BAZ1B: variants seen among roughly 807,000 people sequenced by gnomAD.
BAZ1B encodes the protein tyrosine-protein kinase BAZ1B.
A neutral mutation model predicts 153.8 loss-of-function variants in BAZ1B; 22 were observed. That is an observed-to-expected ratio of 0.14 (90% CI 0.10 to 0.20). BAZ1B has a LOEUF of 0.20. BAZ1B is among the 10% of genes least tolerant of loss of function. The pLI, the probability that BAZ1B is intolerant of heterozygous loss-of-function variation, is 1.00. For synonymous variants in BAZ1B, 676 were observed against 633.4 expected (o/e 1.07, Z -1.01); for missense variants, 1,325 against 1,799.3 (o/e 0.74, Z 4.77).
At chr7:73,453,995 C>T (rs565625945) in intron 13 of BAZ1B, among the ~76,000 whole-genome samples, 1 of 151,984 alleles carries the variant, frequency 6.6e-6, no homozygotes, top group Non-Finnish European at 1.5e-5. Context: ...CATTCATTCA[C>T]AAATAAAATA....
Position 73,469,583 on chromosome 7 carries a change from C to A in BAZ1B, c.2800G>T (p.Asp934Tyr). ...IEKGWVHDSIDYRFNHHCKDH... is the reference protein window; with the variant it reads ...IEKGWVHDSIYYRFNHHCKDH... ...TTGCAGTGATGGTTGAATCGGTAGT[C>A]AATGCTGTCATGTACCCAGCCTTTT... The change falls in exon 9 of 20, where the codon GAC (aspartate) becomes TAC (tyrosine). Residue 934 changes from aspartate (D) to tyrosine (Y), a missense_variant. This residue lies in a region of BAZ1B where 431 missense variants were observed against 563.5 expected (regional missense o/e 0.76). Transcript: ENST00000339594. The A allele has an allele frequency of 6.2e-7, 1 of 1,614,144 alleles. No homozygotes were observed. Among genetic ancestry groups the A allele is most frequent in the Non-Finnish European group, 8.5e-7 (1 of 1,180,000 alleles).
At chr7:73,483,963 A>G (rs1469241405) in intron 6 of BAZ1B, among the ~76,000 whole-genome samples, 1 of 152,182 alleles carries the variant, frequency 6.6e-6, no homozygotes, top group East Asian at 1.9e-4. Flanking sequence ...AAACTTTAAG[A>G]GCGAGACTTT....
chr7:73,496,791 G>T (rs1202580998), intron 4 of BAZ1B, among the ~76,000 whole-genome samples: 5 of 152,010 alleles, frequency 3.3e-5, no homozygotes, highest in African/African-American at 1.2e-4. Context: ...ACTGACCCTT[G>T]AACAGCATGG....
chr7:73,456,986 G>A (rs970184741), intron 13 of BAZ1B, among the ~76,000 whole-genome samples: 13 of 120,590 alleles, frequency 1.1e-4, no homozygotes, highest in African/African-American at 2.8e-4. Flanking sequence ...AAGTATTGGC[G>A]AGAATGTGGA....
At chr7:73,457,188 G>A (rs1563367940) in intron 13 of BAZ1B, among the ~76,000 whole-genome samples, 2 of 151,818 alleles carry the variant, frequency 1.3e-5, no homozygotes, top group Non-Finnish European at 2.9e-5. Context: ...TGTTTTTCTT[G>A]TTTTTTTGAG....
intron 1 of BAZ1B, among the ~76,000 whole-genome samples, chr7:73,517,931 A>G (rs1233495993): frequency 6.6e-6 from 1 of 152,190 alleles, no homozygotes; most frequent in African/African-American, 2.4e-5. Flanking sequence ...AGAGTCAAAC[A>G]AGCATAACTG....
At chr7:73,446,779 A>G (rs1258364740) in intron 16 of BAZ1B, among the ~76,000 whole-genome samples, 1 of 152,202 alleles carries the variant, frequency 6.6e-6, no homozygotes, top group Non-Finnish European at 1.5e-5. Context: ...TAAGCCTTCA[A>G]ATAATCAGTC....
intron 1 of BAZ1B, among the ~76,000 whole-genome samples, chr7:73,513,639 G>A (rs1356598299): frequency 2.0e-5 from 3 of 152,154 alleles, no homozygotes; most frequent in Admixed American, 2.0e-4. Context: ...TAGGGGAGTG[G>A]AAGGGATGGG....
chr7:73,499,190 G>A (rs1297820352), intron 3 of BAZ1B, among the ~76,000 whole-genome samples: 1 of 152,028 alleles, frequency 6.6e-6, no homozygotes, highest in Non-Finnish European at 1.5e-5. Context: ...ATCGTGCCAG[G>A]CTAATTTTTG....
rs1479794859 is a variant in BAZ1B, at chr7:73,440,521, A to G, written c.*1188T>C. 6.6e-6 allele frequency: 1 copy of G among 152,124 alleles called. No individual in the cohort carries two copies. Among genetic ancestry groups the G allele is most frequent in the Admixed American group, 6.5e-5 (1 of 15,268 alleles). The allele number at this position is 152,124 out of a possible 1,614,324, so 9.4% of individuals were successfully genotyped here. A position where few individuals can be genotyped will look rare whatever the true frequency, so the allele number is the denominator to read the frequency against. ...GACAATAAAAAAAAAAAACAACAAC[A>G]AACAATTCAGGTGTCACTGAAGTGG... On this transcript the variant is annotated 3_prime_UTR_variant, in exon 20 of 20. Transcript: ENST00000339594.
rs572849910 is a variant in BAZ1B at position 73,465,498 on chromosome 7, T to G, written c.3012A>C (p.Leu1004=). ...CDSQKELDEL[L]NCLHPQGIRE... ...TTATTCCCTGAGGGTGAAGACAGTT[T>G]AGCAACTCATCCAGCTCCTTTTGAC... The change falls in exon 11 of 20, where the codon CTA becomes CTC. Residue 1004 remains leucine (L), a synonymous_variant. Coordinates refer to ENST00000339594, the MANE Select transcript of BAZ1B (RefSeq NM_032408.4). 1 of 1,611,272 alleles carries G rather than the reference T, an allele frequency of 6.2e-7. No individual in the cohort carries two copies. The highest frequency in any genetic ancestry group is 1.3e-5 in the African/African-American group (1 of 74,800).
Position 73,477,624 on chromosome 7 carries a change from C to T in BAZ1B, c.1837G>A (p.Val613Met). ...GAATAACAGCTCAAGAATTCCACCA[C>T]CATGGCCACATCCCCAAACAGCGTG... The part of the protein sequence containing the change: ...PNTLFGDVAM[V>M]VEFLSCYSGL... Residue 613 changes from valine to methionine, a missense_variant, in exon 7 of 20, where the codon GTG (valine) becomes ATG (methionine). By Grantham distance (21) the Val-to-Met change is conservative. Coordinates refer to ENST00000339594, the MANE Select transcript of BAZ1B (RefSeq NM_032408.4). The surrounding 1 kb of genome is among the most constrained non-coding windows in gnomAD (Gnocchi z 5.6). 1 of 1,614,240 alleles carries T rather than the reference C, an allele frequency of 6.2e-7. No individual in the cohort carries two copies.
chr7:73,473,214 C>T (rs1276339995), intron 7 of BAZ1B, among the ~76,000 whole-genome samples: 1 of 152,184 alleles, frequency 6.6e-6, no homozygotes, highest in East Asian at 1.9e-4. Flanking sequence ...TGTAGGATTA[C>T]AGGCTGTGAG....
chr7:73,455,879 G>T (rs1554569477), intron 13 of BAZ1B, among the ~76,000 whole-genome samples: 1 of 152,180 alleles, frequency 6.6e-6, no homozygotes, highest in Non-Finnish European at 1.5e-5. Context: ...ATACTGGTAA[G>T]TGAGAAACTG....
chr7:73,500,534 C>T (rs1790084484), intron 3 of BAZ1B, among the ~76,000 whole-genome samples: 1 of 151,914 alleles, frequency 6.6e-6, no homozygotes, highest in Admixed American at 6.6e-5. Context: ...ACAGCGAGAC[C>T]TTATCTCACA....
intron 3 of BAZ1B, among the ~76,000 whole-genome samples, chr7:73,506,881 CTT>C (rs782216219): frequency 3.0e-4 from 37 of 123,214 alleles, no homozygotes; most frequent in South Asian, 2.5e-3. Context: ...GTCTTAAAGT[CTT>C]TTTTTTTTTT....
intron 12 of BAZ1B, 73 bp downstream of exon 12, chr7:73,462,849 A>G: frequency 6.5e-7 from 1 of 1,536,346 alleles, no homozygotes; most frequent in Non-Finnish European, 9.0e-7. Context: ...TGGGAAGTCA[A>G]GAACAGCACC....
At chr7:73,492,988 A>G (rs1789713681) in intron 4 of BAZ1B, 67 bp from the exon 5 acceptor site, 1 of 1,491,278 alleles carries the variant, frequency 6.7e-7, no homozygotes, top group African/African-American at 1.4e-5. Context: ...ATTCATTAAC[A>G]AGTCTTAACT....
At position 73,502,648 on chromosome 7, in the gene BAZ1B, T is replaced by C. The variant is rs530526358; in HGVS notation, c.370-3950A>G. ...AAAAAAAATACAATTAGCCAGGCAT[T>C]ATAGCTACAGTCCCAGCTACTTGGG... On this transcript the variant is annotated intron_variant, in intron 3 of 19. Transcript: ENST00000339594. Among the ~76,000 whole-genome samples, 20 of 151,352 alleles carry C rather than the reference T, an allele frequency of 1.3e-4. No homozygotes were observed. The East Asian group carries it at 3.5e-3, about 26-fold the overall frequency.
Sources: gnomAD v4.1 joint callset for allele counts (sites outside exome capture counted in the v4.1 genomes callset) on GRCh38, gnomAD v4.1.1 for gene constraint, gnomAD v4.1.1 regional missense constraint, Gnocchi (gnomAD v3.1) non-coding constraint, MANE v1.5 for transcripts, NCBI Gene and HGNC (gene_info 2026-07-23, HGNC 2026-07-21) for gene names.